Variants in ANKRD28 observed in about 807,000 individuals in gnomAD.
ANKRD28 encodes the protein serine/threonine-protein phosphatase 6 regulatory ankyrin repeat subunit A.
Under a neutral mutation model 126.5 loss-of-function variants are expected in ANKRD28, and 44 were observed. The observed-to-expected ratio is 0.35, with a 90% CI of 0.27 to 0.45. The LOEUF (loss-of-function observed/expected upper bound fraction) is 0.45. Among genes scored for constraint, ANKRD28 ranks in the 20% least tolerant of loss-of-function variants. ANKRD28 has a pLI of 1.00. For missense variants in ANKRD28, 1,110 were observed against 1,316.6 expected (o/e 0.84, Z 2.43); for synonymous variants, 442 against 468.5 (o/e 0.94, Z 0.73).
At chr3:15,690,721 T>G (rs2068675617) in intron 17 of ANKRD28, among the ~76,000 whole-genome samples, 1 of 152,152 alleles carries the variant, frequency 6.6e-6, no homozygotes, top group Non-Finnish European at 1.5e-5. Flanking sequence ...CACGTCACCA[T>G]GCCCAGCTAA....
chr3:15,809,327 G>C (rs528829922), intron 1 of ANKRD28, among the ~76,000 whole-genome samples: 1 of 152,232 alleles, frequency 6.6e-6, no homozygotes, highest in Admixed American at 6.5e-5. Context: ...TCTCCTTCTA[G>C]TTCTATACAT....
At chr3:15,793,853 A>C (rs372183980) in intron 2 of ANKRD28, among the ~76,000 whole-genome samples, 1 of 152,118 alleles carries the variant, frequency 6.6e-6, no homozygotes, top group Non-Finnish European at 1.5e-5. Flanking sequence ...ATCACCTGAG[A>C]TCAGGAGTTT....
chr3:15,686,093 T>G lies in ANKRD28; in HGVS notation c.2078A>C (p.Asn693Thr). Residue 693 changes from asparagine (N) to threonine (T), a missense_variant, in exon 20 of 28, where the codon AAC becomes ACC. Asn to Thr is a moderately conservative substitution (Grantham distance 65). Transcript: ENST00000683139. ...GQTPLMLSVL[N>T]GHTDCVYSLL... ...TGAGTAAACACAGTCTGTGTGCCCG[T>G]TGAGAACAGATAGCATCAGAGGCGT... The G allele has an allele frequency of 6.2e-7, 1 of 1,613,494 alleles. No individual in the cohort carries two copies.
intron 21 of ANKRD28, chr3:15,684,155 T>C (rs927950918): frequency 1.3e-5 from 2 of 152,252 alleles, no homozygotes; most frequent in Non-Finnish European, 1.5e-5. Context: ...CTGTATATAA[T>C]GTACTTGAGT....
chr3:15,800,336 C>T (rs910614152), upstream of ANKRD28, among the ~76,000 whole-genome samples: 4 of 152,082 alleles, frequency 2.6e-5, no homozygotes, highest in South Asian at 8.3e-4. Flanking sequence ...ATTCTGGGAT[C>T]CTGGGCTACT....
upstream of ANKRD28, among the ~76,000 whole-genome samples, chr3:15,799,956 T>C (rs1175250552): frequency 6.6e-6 from 1 of 152,098 alleles, no homozygotes; most frequent in Non-Finnish European, 1.5e-5. Flanking sequence ...TTGGTATACA[T>C]ATATTTTAAC....
intron 3 of ANKRD28, among the ~76,000 whole-genome samples, chr3:15,761,040 ATCTT>A (rs532347699): frequency 1.6e-3 from 240 of 152,250 alleles, no homozygotes; most frequent in Non-Finnish European, 3.1e-3. Context: ...AATAATCTCA[ATCTT>A]TCTATTTTTT....
intron 2 of ANKRD28, among the ~76,000 whole-genome samples, chr3:15,769,048 T>C (rs2058877946): frequency 6.6e-6 from 1 of 152,212 alleles, no homozygotes; most frequent in African/African-American, 2.4e-5. Flanking sequence ...TGTTACTCAT[T>C]AACACAGCAA....
At chr3:15,687,879 G>A (rs375718222) in intron 18 of ANKRD28, among the ~76,000 whole-genome samples, 19 of 152,260 alleles carry the variant, frequency 1.2e-4, no homozygotes, top group African/African-American at 4.6e-4. Flanking sequence ...TGTCATCTAA[G>A]TTCAATACCC....
At chr3:15,692,562 GAGA>G (rs903842951) in intron 17 of ANKRD28, among the ~76,000 whole-genome samples, 25 of 152,240 alleles carry the variant, frequency 1.6e-4, no homozygotes, top group African/African-American at 5.3e-4. Context: ...ATGGGACTGA[GAGA>G]AGAAGTCCAA....
At chr3:15,832,543 G>A (rs1439199021) in intron 1 of ANKRD28, among the ~76,000 whole-genome samples, 1 of 152,170 alleles carries the variant, frequency 6.6e-6, no homozygotes, top group East Asian at 1.9e-4. Flanking sequence ...GATGAAGTGC[G>A]CTTTTAGTGT....
chr3:15,671,886 C>CT (rs1275191080), intron 27 of ANKRD28, among the ~76,000 whole-genome samples: 1 of 151,946 alleles, frequency 6.6e-6, no homozygotes, highest in East Asian at 1.9e-4. Context: ...ACCCAGCCTA[C>CT]AGTTTAGAGT....
intron 12 of ANKRD28, among the ~76,000 whole-genome samples, chr3:15,710,923 C>T: frequency 6.6e-6 from 1 of 151,990 alleles, no homozygotes; most frequent in East Asian, 1.9e-4. Flanking sequence ...TGAGAACATA[C>T]TTTTTAAAGA....
At chr3:15,834,796 A>G (rs1233825766) in intron 1 of ANKRD28, among the ~76,000 whole-genome samples, 1 of 152,216 alleles carries the variant, frequency 6.6e-6, no homozygotes, top group African/African-American at 2.4e-5. Context: ...TAAAAATACT[A>G]AAGTTGTGGG....
chr3:15,844,550 C>A (rs2061491047), intron 1 of ANKRD28, among the ~76,000 whole-genome samples: 2 of 152,028 alleles, frequency 1.3e-5, no homozygotes, highest in South Asian at 2.1e-4. Flanking sequence ...TGTAATGGAT[C>A]TGGAAGGCTT....
chr3:15,853,426 G>C lies in ANKRD28; in HGVS notation c.27+5951C>G, dbSNP rs1276280719. ...AATGTATCCAAAATCTAACTATTTG[G>C]GTTATCTGCTCTTTAACTACCATAA... On this transcript the variant is annotated intron_variant, in intron 1 of 27. Transcript: ENST00000399451. This position sits in a 1 kb window ranked among gnomAD's most constrained non-coding sequence, Gnocchi z 4.2. Among the ~76,000 whole-genome samples the C allele has an allele frequency of 6.6e-6, 1 of 151,908 alleles. No homozygotes were observed. The highest frequency in any genetic ancestry group is 1.5e-5 in the Non-Finnish European group (1 of 67,982).
At chr3:15,721,204 G>A (rs1215550173) in intron 7 of ANKRD28, 77 bp from the exon 8 acceptor site, 34 of 1,221,956 alleles carry the variant, frequency 2.8e-5, no homozygotes, top group Non-Finnish European at 3.8e-5. Flanking sequence ...TTAGCAACCT[G>A]TGGTTGCAAT....
intron 14 of ANKRD28, among the ~76,000 whole-genome samples, chr3:15,699,362 C>T (rs942155543): frequency 2.6e-5 from 4 of 152,118 alleles, no homozygotes; most frequent in Admixed American, 6.5e-5. Flanking sequence ...ACACCAAAAG[C>T]AATAGCAACA....
At chr3:15,754,403 AG>A (rs1454344666) in intron 3 of ANKRD28, among the ~76,000 whole-genome samples, 1 of 152,180 alleles carries the variant, frequency 6.6e-6, no homozygotes, top group African/African-American at 2.4e-5. Flanking sequence ...AATGGCCCCA[AG>A]GTGCAAGAGT....
Sources: allele counts gnomAD v4.1 joint callset (sites outside exome capture counted in the v4.1 genomes callset), GRCh38; gene constraint gnomAD v4.1.1; non-coding constraint Gnocchi (gnomAD v3.1); transcripts MANE v1.5; gene names NCBI Gene and HGNC (gene_info 2026-07-23, HGNC 2026-07-21).